Variants in KIRREL3 observed in about 807,000 individuals in gnomAD.
KIRREL3 encodes the protein kirre like nephrin family adhesion molecule 3.
A neutral mutation model predicts 89.7 loss-of-function variants in KIRREL3; 36 were observed. The ratio of observed to expected loss-of-function variants is 0.40; its 90% CI spans 0.31 to 0.53. KIRREL3 has a LOEUF of 0.53. KIRREL3 is among the 20% of genes least tolerant of loss of function. KIRREL3 has a pLI of 0.49. For synonymous variants in KIRREL3, 445 were observed against 441.4 expected (o/e 1.01, Z -0.10); for missense variants, 864 against 1,056.6 (o/e 0.82, Z 2.53).
At chr11:126,745,593 T>G (rs1949122544) in intron 1 of KIRREL3, among the ~76,000 whole-genome samples, 1 of 152,094 alleles carries the variant, frequency 6.6e-6, no homozygotes, top group East Asian at 1.9e-4. Flanking sequence ...TTATTTCCCC[T>G]GTAAATTTGA....
In KIRREL3 at chr11:126,682,609, C is replaced by T. The variant is rs1946509141; in HGVS notation, c.56-119697G>A. On this transcript the variant is annotated intron_variant, in intron 1 of 16. Transcript: ENST00000525144. The surrounding 1 kb of genome is among the most constrained non-coding windows in gnomAD (Gnocchi z 4.8). ...CATGGATGGCAATTTTTCCATGGACCTGGGTAGGGGGTGGTTTCTGGATGA... is the reference window on the plus strand; with the variant it reads ...CATGGATGGCAATTTTTCCATGGACTTGGGTAGGGGGTGGTTTCTGGATGA... 6.6e-6 allele frequency among the ~76,000 whole-genome samples: 1 copy of T among 152,066 alleles called. No individual in the cohort carries two copies. Among genetic ancestry groups the T allele is most frequent in the Admixed American group, 6.6e-5 (1 of 15,262 alleles).
rs1948741923 is a variant in KIRREL3 at position 126,734,639 on chromosome 11, A to G, written c.56-171727T>C. Among the ~76,000 whole-genome samples, 1 of 152,162 alleles carries G rather than the reference A, an allele frequency of 6.6e-6. No homozygotes were observed. The highest frequency in any genetic ancestry group is 6.6e-5 in the Admixed American group (1 of 15,266). On this transcript the variant is annotated intron_variant, in intron 1 of 16. Coordinates refer to ENST00000525144, the MANE Select transcript of KIRREL3 (RefSeq NM_032531.4). This position sits in a 1 kb window ranked among gnomAD's most constrained non-coding sequence, Gnocchi z 5.9. ...GATGTCATTGCACTCCAGCCTGGGC[A>G]ACAAGAGTGAAACTCTGTCTCAAAA... is the stretch of plus-strand genomic sequence containing the variant.
intron 1 of KIRREL3, among the ~76,000 whole-genome samples, chr11:126,821,347 A>ATATATATATATATG (rs1344371968): frequency 8.6e-6 from 1 of 115,880 alleles, no homozygotes; most frequent in African/African-American, 3.5e-5. Flanking sequence ...ATATATATAT[A>ATATATATATATATG]TATATGTAAC....
intron 2 of KIRREL3, among the ~76,000 whole-genome samples, chr11:126,536,642 C>CT (rs145142970): frequency 0.16 from 12,151 of 76,992 alleles, 1,430 homozygotes; most frequent in Non-Finnish European, 0.18. Context: ...CTGGGCAATG[C>CT]TTTTTTTTTT....
Position 126,563,107 on chromosome 11 carries a change from A to T in KIRREL3, c.56-195T>A, listed in dbSNP as rs555290167. ...AATTCTTCATTTTGATTCTCATAAC[A>T]ACCCTGTGAAGGATGTTTCCCCATT... On this transcript the variant is annotated intron_variant, in intron 1 of 16. Coordinates refer to ENST00000525144, the MANE Select transcript of KIRREL3 (RefSeq NM_032531.4). The surrounding 1 kb of genome is among the most constrained non-coding windows in gnomAD (Gnocchi z 6.8). Among the ~76,000 whole-genome samples, 78 of 152,334 alleles carry T rather than the reference A, an allele frequency of 5.1e-4. No homozygotes were observed. The highest frequency in any genetic ancestry group is 1.9e-3 in the African/African-American group (77 of 41,574).
intron 1 of KIRREL3, among the ~76,000 whole-genome samples, chr11:126,960,250 C>T (rs868696488): frequency 6.6e-6 from 1 of 152,136 alleles, no homozygotes; most frequent in Non-Finnish European, 1.5e-5. Flanking sequence ...ATGAGGAAAA[C>T]AGAAACAAGC....
At chr11:126,865,991 G>A (rs1944905452) in intron 1 of KIRREL3, among the ~76,000 whole-genome samples, 1 of 152,102 alleles carries the variant, frequency 6.6e-6, no homozygotes, top group African/African-American at 2.4e-5. Context: ...GCCCATTGCT[G>A]GGCAGGAGGC....
At position 126,909,463 on chromosome 11, in the gene KIRREL3, A is replaced by G. The variant is rs1946722222; in HGVS notation, c.55+90992T>C. ...GAGTGAGAGCCATGCCTATTCCTTC[A>G]GCACGTGCTAAGCGCCGACTCTCAG... On this transcript the variant is annotated intron_variant, in intron 1 of 16. Coordinates refer to ENST00000525144, the MANE Select transcript of KIRREL3 (RefSeq NM_032531.4). The surrounding 1 kb of genome is among the most constrained non-coding windows in gnomAD (Gnocchi z 4.5). Among the ~76,000 whole-genome samples the G allele has an allele frequency of 2.0e-5, 3 of 152,182 alleles. No homozygotes were observed. The highest frequency in any genetic ancestry group is 2.0e-4 in the Admixed American group (3 of 15,284).
chr11:126,579,830 C>A lies in KIRREL3; in HGVS notation c.56-16918G>T, dbSNP rs914650440. On this transcript the variant is annotated intron_variant, in intron 1 of 16. Coordinates refer to ENST00000525144, the MANE Select transcript of KIRREL3 (RefSeq NM_032531.4). This position sits in a 1 kb window ranked among gnomAD's most constrained non-coding sequence, Gnocchi z 5.3. ...GTCTGTCTCCTTGAATTGTGAGGTCCTTAAAAGAGGGAGCCAAGTCATTTT... is the reference window on the plus strand; with the variant it reads ...GTCTGTCTCCTTGAATTGTGAGGTCATTAAAAGAGGGAGCCAAGTCATTTT... Among the ~76,000 whole-genome samples the A allele has an allele frequency of 4.4e-5, 6 of 136,686 alleles. No individual in the cohort carries two copies. The highest frequency in any genetic ancestry group is 9.2e-5 in the Non-Finnish European group (6 of 65,182). The allele number at this position is 136,686 out of a possible 152,430, so 89.7% of individuals were successfully genotyped here. A position where few individuals can be genotyped will look rare whatever the true frequency, so the allele number is the denominator to read the frequency against.
chr11:126,728,924 G>A (rs1270180365), intron 1 of KIRREL3, among the ~76,000 whole-genome samples: 90 of 67,842 alleles, frequency 1.3e-3, no homozygotes, highest in African/African-American at 4.5e-4. Context: ...GGAAGCAGAC[G>A]CTAGCTCCAA....
At chr11:126,511,143 T>C (rs1198860771) in intron 4 of KIRREL3, among the ~76,000 whole-genome samples, 2 of 151,804 alleles carry the variant, frequency 1.3e-5, no homozygotes, top group Admixed American at 6.6e-5. Flanking sequence ...TCACCAGGTA[T>C]GCCATGATGA....
chr11:126,902,733 G>C (rs1946421587), intron 1 of KIRREL3, among the ~76,000 whole-genome samples: 1 of 152,212 alleles, frequency 6.6e-6, no homozygotes, highest in Admixed American at 6.5e-5. Context: ...CAAACACTGG[G>C]ACACAGCTCC....
At position 126,950,693 on chromosome 11, in the gene KIRREL3, T is replaced by G. The variant is rs148664857; in HGVS notation, c.55+49762A>C. Among the ~76,000 whole-genome samples, 343 of 152,330 alleles carry G rather than the reference T, an allele frequency of 2.3e-3. 1 individual carries two copies. Among genetic ancestry groups the G allele is most frequent in the African/African-American group, 8.0e-3 (333 of 41,570 alleles). ...ACTGCTGCTCCCTTTCTTCTCCCAT[T>G]GTACATCACACAGATGAAGGAGGAG... On this transcript the variant is annotated intron_variant, in intron 1 of 16. Coordinates refer to ENST00000525144, the MANE Select transcript of KIRREL3 (RefSeq NM_032531.4).
chr11:126,566,941 A>G lies in KIRREL3; in HGVS notation c.56-4029T>C, dbSNP rs895816383. Among the ~76,000 whole-genome samples, 1 of 152,226 alleles carries G rather than the reference A, an allele frequency of 6.6e-6. No homozygotes were observed. Among genetic ancestry groups the G allele is most frequent in the Non-Finnish European group, 1.5e-5 (1 of 68,032 alleles). The stretch of plus-strand genomic sequence containing the variant: ...TAAAGTGACAATTTAAGGCCAACAC[A>G]CTAGCTGGTGATAGTGCCCATGCTG... On this transcript the variant is annotated intron_variant, in intron 1 of 16. Transcript: ENST00000525144. The surrounding 1 kb of genome is among the most constrained non-coding windows in gnomAD (Gnocchi z 4.9).
At chr11:126,680,926 A>G (rs192674617) in intron 1 of KIRREL3, among the ~76,000 whole-genome samples, 4 of 152,322 alleles carry the variant, frequency 2.6e-5, no homozygotes, top group Admixed American at 2.6e-4. Flanking sequence ...TATATGAAAA[A>G]TGAACACTTA....
intron 2 of KIRREL3, among the ~76,000 whole-genome samples, chr11:126,547,722 T>A (rs2134517594): frequency 6.6e-6 from 1 of 152,164 alleles, no homozygotes; most frequent in East Asian, 1.9e-4. Flanking sequence ...GGTCAGTGAA[T>A]GGTGGGAGAT....
intron 4 of KIRREL3, among the ~76,000 whole-genome samples, chr11:126,510,450 TTCCTTCCTTCCTTCCTTCC>T (rs1177812160): frequency 2.0e-5 from 3 of 149,916 alleles, no homozygotes; most frequent in African/African-American, 7.4e-5. Flanking sequence ...CCTTCCTTCC[TTCCTTCCTTCCTTCCTTCC>T]TTTTTTTTGA....
At chr11:126,506,332 G>C (rs1350726544) in intron 4 of KIRREL3, among the ~76,000 whole-genome samples, 3 of 152,194 alleles carry the variant, frequency 2.0e-5, no homozygotes, top group African/African-American at 7.2e-5. Context: ...TACAAACTGA[G>C]AGAAAATATT....
At position 126,557,080 on chromosome 11, in the gene KIRREL3, C is replaced by T. The variant is rs1939764022; in HGVS notation, c.133+5755G>A. On this transcript the variant is annotated intron_variant, in intron 2 of 16. Coordinates refer to ENST00000525144, the MANE Select transcript of KIRREL3 (RefSeq NM_032531.4). This position sits in a 1 kb window ranked among gnomAD's most constrained non-coding sequence, Gnocchi z 5.6. ...CCTTAGCGCGAGCCAGACTGTACGG[C>T]TGCAACAGAGTGAGAAGTGCTGCCG... Among the ~76,000 whole-genome samples the T allele has an allele frequency of 6.6e-6, 1 of 152,196 alleles. No homozygotes were observed. The highest frequency in any genetic ancestry group is 1.5e-5 in the Non-Finnish European group (1 of 68,038).
Sources: gnomAD v4.1 joint callset for allele counts (sites outside exome capture counted in the v4.1 genomes callset) on GRCh38, gnomAD v4.1.1 for gene constraint, Gnocchi (gnomAD v3.1) non-coding constraint, MANE v1.5 for transcripts, NCBI Gene and HGNC (gene_info 2026-07-23, HGNC 2026-07-21) for gene names.